VAV2: variants seen among roughly 807,000 people sequenced by gnomAD.
VAV2 encodes the protein guanine nucleotide exchange factor VAV2.
A neutral mutation model predicts 132.5 loss-of-function variants in VAV2; 67 were observed. That is an observed-to-expected ratio of 0.51 (90% CI 0.42 to 0.62). The LOEUF is 0.62. Ranked by LOEUF, VAV2 falls within the 20% of genes least tolerant of loss-of-function variation. The pLI, the probability that VAV2 is intolerant of heterozygous loss-of-function variation, is 0.00. For missense variants in VAV2, 938 were observed against 1,153.6 expected, an observed-to-expected ratio of 0.81 and a Z score of 2.71; for synonymous variants, 492 against 443.5, an observed-to-expected ratio of 1.11 and a Z score of -1.37.
intron 11 of VAV2, 79 bp downstream of exon 11, chr9:133,796,350 T>A: frequency 7.8e-7 from 1 of 1,282,564 alleles, no homozygotes; most frequent in South Asian, 1.3e-5. Context: ...GGCTGCAACC[T>A]ATACCCCCTG....
rs1239664199 is a variant in VAV2 at position 133,969,594 on chromosome 9, A to G, written c.204+22481T>C. Reference sequence around the variant, plus strand: ...CTGGGAGAACCCAGACATCCCTGCAACCTTGGCCAGTGGGGGACTTGAACC... The same window carrying G: ...CTGGGAGAACCCAGACATCCCTGCAGCCTTGGCCAGTGGGGGACTTGAACC... On this transcript the variant is annotated intron_variant, in intron 1 of 29. Coordinates refer to ENST00000371850, the MANE Select transcript of VAV2 (RefSeq NM_001134398.2). The surrounding 1 kb of genome is among the most constrained non-coding windows in gnomAD (Gnocchi z 5.1). Among the ~76,000 whole-genome samples, 3 of 152,030 alleles carry G rather than the reference A, an allele frequency of 2.0e-5. No homozygotes were observed. The highest frequency in any genetic ancestry group is 2.9e-5 in the Non-Finnish European group (2 of 67,976).
At chr9:133,787,548 G>A (rs1834276585) in intron 15 of VAV2, among the ~76,000 whole-genome samples, 1 of 152,184 alleles carries the variant, frequency 6.6e-6, no homozygotes, top group African/African-American at 2.4e-5. Flanking sequence ...GTCTGGACGA[G>A]GGCTACACTG....
At chr9:133,813,142 G>A (rs1298610968) in intron 4 of VAV2, among the ~76,000 whole-genome samples, 5 of 152,224 alleles carry the variant, frequency 3.3e-5, no homozygotes, top group Admixed American at 2.0e-4. Flanking sequence ...GCACCTGGGG[G>A]TGGAGGGGCA....
At chr9:133,889,383 C>T (rs1453935177) in intron 2 of VAV2, among the ~76,000 whole-genome samples, 1 of 152,206 alleles carries the variant, frequency 6.6e-6, no homozygotes, top group Non-Finnish European at 1.5e-5. Context: ...GGCCTGACCC[C>T]TCCTAAGAGC....
intron 1 of VAV2, among the ~76,000 whole-genome samples, chr9:133,940,082 G>A (rs558840125): frequency 6.6e-6 from 1 of 152,342 alleles, no homozygotes; most frequent in East Asian, 1.9e-4. Flanking sequence ...GGCACGCTCT[G>A]GAATCACTCG....
At chr9:133,891,149 C>T (rs1318341062) in intron 2 of VAV2, among the ~76,000 whole-genome samples, 5 of 149,892 alleles carry the variant, frequency 3.3e-5, no homozygotes, top group African/African-American at 7.4e-5. Context: ...AGCAGAGGCC[C>T]GGGGGACAAG....
chr9:133,846,443 T>C (rs10821526), intron 3 of VAV2, among the ~76,000 whole-genome samples: 37,113 of 152,150 alleles, frequency 0.24, 5,134 homozygotes, highest in African/African-American at 0.38. Flanking sequence ...TGGAGCCCCT[T>C]GAGGCCAGGC....
At chr9:133,920,857 A>T (rs537858732) in intron 2 of VAV2, among the ~76,000 whole-genome samples, 1 of 152,286 alleles carries the variant, frequency 6.6e-6, no homozygotes, top group South Asian at 2.1e-4. Context: ...ATGTCCCAGG[A>T]GTCTCCAAGC....
At chr9:133,800,270 C>T (rs1027095858) in intron 9 of VAV2, among the ~76,000 whole-genome samples, 1 of 152,216 alleles carries the variant, frequency 6.6e-6, no homozygotes, top group African/African-American at 2.4e-5. Flanking sequence ...ACCCCTGTGG[C>T]CCCTTTGAAA....
chr9:133,777,715 G>A (rs1350627554), intron 22 of VAV2, among the ~76,000 whole-genome samples: 1 of 152,104 alleles, frequency 6.6e-6, no homozygotes, highest in Non-Finnish European at 1.5e-5. Flanking sequence ...CCAAGAAGCT[G>A]GCAGCCCTGG....
intron 13 of VAV2, among the ~76,000 whole-genome samples, chr9:133,789,909 G>A (rs1392534237): frequency 1.3e-5 from 2 of 152,262 alleles, no homozygotes; most frequent in Non-Finnish European, 2.9e-5. Flanking sequence ...TGTCCACACA[G>A]ACAGGAAAAG....
chr9:133,908,373 G>T (rs760596533), intron 2 of VAV2, among the ~76,000 whole-genome samples: 1 of 151,988 alleles, frequency 6.6e-6, no homozygotes, highest in African/African-American at 2.4e-5. Context: ...CCCCCCATGC[G>T]AGGCCAGTGG....
At chr9:133,876,063 C>T (rs570334612) in intron 2 of VAV2, among the ~76,000 whole-genome samples, 2 of 152,370 alleles carry the variant, frequency 1.3e-5, no homozygotes, top group South Asian at 2.1e-4. Flanking sequence ...GGGACTCACG[C>T]CATCAGGCCC....
At chr9:133,778,624 C>G in intron 22 of VAV2, 138 bp downstream of exon 22, 1 of 1,344,834 alleles carries the variant, frequency 7.4e-7, no homozygotes, top group Non-Finnish European at 9.9e-7. Context: ...TGCTAGGCCC[C>G]CTGTGCCTCC....
chr9:133,930,417 T>C (rs752825650), intron 2 of VAV2, among the ~76,000 whole-genome samples: 5 of 53,212 alleles, frequency 9.4e-5, no homozygotes, highest in African/African-American at 2.5e-4. Flanking sequence ...CCTAGCATCC[T>C]CACTGTCCTC....
rs540931622 is a variant in VAV2, at chr9:133,990,722, C to T, written c.204+1353G>A. ...AAAATGGAGTCCAGACTTCCCAGTC[C>T]CCGTGGGGCTCTGAGAACAGATCCG... On this transcript the variant is annotated intron_variant, in intron 1 of 29. Coordinates refer to ENST00000371850, the MANE Select transcript of VAV2 (RefSeq NM_001134398.2). Among the ~76,000 whole-genome samples, 10 of 152,352 alleles carry T rather than the reference C, an allele frequency of 6.6e-5. No individual in the cohort carries two copies. In the South Asian group the frequency reaches 1.7e-3, roughly 25 times the overall value.
intron 2 of VAV2, among the ~76,000 whole-genome samples, chr9:133,922,370 T>G (rs1282823202): frequency 6.6e-6 from 1 of 152,006 alleles, no homozygotes; most frequent in African/African-American, 2.4e-5. Flanking sequence ...GATGCCAGAG[T>G]GGGGCAATTT....
chr9:133,880,194 G>T (rs182069066), intron 2 of VAV2, among the ~76,000 whole-genome samples: 97 of 152,346 alleles, frequency 6.4e-4, no homozygotes, highest in African/African-American at 2.2e-3. Flanking sequence ...CTCACGAGCA[G>T]CCCTGGACAC....
intron 2 of VAV2, among the ~76,000 whole-genome samples, chr9:133,876,410 C>T (rs987478264): frequency 1.3e-5 from 2 of 152,222 alleles, no homozygotes; most frequent in Non-Finnish European, 2.9e-5. Context: ...GGAGCAAAGA[C>T]TATTCCCCTA....
Sources: allele counts gnomAD v4.1 joint callset (sites outside exome capture counted in the v4.1 genomes callset), GRCh38; gene constraint gnomAD v4.1.1; non-coding constraint Gnocchi (gnomAD v3.1); transcripts MANE v1.5; gene names NCBI Gene and HGNC (gene_info 2026-07-23, HGNC 2026-07-21).